Variants in CDH18 observed in about 807,000 individuals in gnomAD.
The protein encoded by CDH18 is cadherin-18.
In CDH18, 31 loss-of-function variants were observed where a neutral mutation model predicts 67.9. The ratio of observed to expected loss-of-function variants is 0.46; its 90% CI spans 0.34 to 0.62. The LOEUF is 0.62. Ranked by LOEUF, CDH18 falls within the 20% of genes least tolerant of loss-of-function variation. The probability of loss-of-function intolerance (pLI) is 0.01; values close to 1 mark genes in which losing one functional copy is unlikely to be tolerated. For missense variants in CDH18, 890 were observed against 975.5 expected (o/e 0.91, Z 1.17); for synonymous variants, 362 against 347.2 (o/e 1.04, Z -0.48).
intron 2 of CDH18, among the ~76,000 whole-genome samples, chr5:20,244,312 G>A (rs573613824): frequency 1.3e-5 from 2 of 152,154 alleles, no homozygotes; most frequent in South Asian, 4.1e-4. Flanking sequence ...TACACATTTT[G>A]TTCTGTTCAA....
chr5:19,970,194 A>C (rs983613842), intron 2 of CDH18, among the ~76,000 whole-genome samples: 37 of 151,572 alleles, frequency 2.4e-4, no homozygotes, highest in African/African-American at 7.0e-4. Flanking sequence ...AGACAGAAAG[A>C]AGCAAATTCA....
Position 19,774,894 on chromosome 5 carries a change from C to G in CDH18, c.229-27658G>C, listed in dbSNP as rs971456489. Among the ~76,000 whole-genome samples, 14 of 134,392 alleles carry G rather than the reference C, an allele frequency of 1.0e-4. No homozygotes were observed. In the East Asian group the frequency reaches 3.7e-3, roughly 35 times the overall value. The allele number at this position is 134,392 out of a possible 152,430, so 88.2% of individuals were successfully genotyped here. A position where few individuals can be genotyped will look rare whatever the true frequency, so the allele number is the denominator to read the frequency against. On this transcript the variant is annotated intron_variant, in intron 3 of 12. Coordinates refer to ENST00000382275, the MANE Select transcript of CDH18 (RefSeq NM_004934.5). The stretch of plus-strand genomic sequence containing the variant: ...GAGTATACAAGTGTAAGTTGGCAGT[C>G]TACAATTCAGAAAAGGACCTACAAC...
rs1450309779 is a variant in CDH18, at chr5:20,211,210, C to T, written c.-518+44234G>A. Among the ~76,000 whole-genome samples, 8 of 152,224 alleles carry T rather than the reference C, an allele frequency of 5.3e-5. No individual in the cohort carries two copies. In the East Asian group the frequency reaches 1.2e-3, roughly 22 times the overall value. On this transcript the variant is annotated intron_variant, in intron 2 of 14. Transcript: ENST00000507958. The stretch of plus-strand genomic sequence containing the variant: ...CTACCACTGTGTAATGGGAGAGGGG[C>T]GTCTGTCATTGCTGAGGCTTGAATA...
At chr5:20,214,655 C>T (rs188445721) in intron 2 of CDH18, among the ~76,000 whole-genome samples, 5 of 151,970 alleles carry the variant, frequency 3.3e-5, no homozygotes, top group Non-Finnish European at 7.4e-5. Flanking sequence ...AAGATTGAAA[C>T]TGGACCCCTT....
intron 2 of CDH18, among the ~76,000 whole-genome samples, chr5:19,915,225 C>G (rs529432900): frequency 2.6e-5 from 4 of 152,186 alleles, no homozygotes; most frequent in African/African-American, 7.2e-5. Flanking sequence ...TCCACTACTC[C>G]TTCCCAGTTC....
intron 2 of CDH18, among the ~76,000 whole-genome samples, chr5:20,172,242 A>ATATATATATATGTG (rs1736887648): frequency 2.1e-4 from 12 of 56,700 alleles, no homozygotes; most frequent in African/African-American, 5.5e-4. Flanking sequence ...ATATATATGT[A>ATATATATATATGTG]TATATATATA....
At chr5:20,249,617 G>A (rs1247430134) in intron 2 of CDH18, among the ~76,000 whole-genome samples, 1 of 151,906 alleles carries the variant, frequency 6.6e-6, no homozygotes, top group African/African-American at 2.4e-5. Flanking sequence ...TGATCCGCCC[G>A]CCTCGGCCTC....
At chr5:19,718,813 G>T (rs1447410058) in intron 5 of CDH18, among the ~76,000 whole-genome samples, 11 of 151,956 alleles carry the variant, frequency 7.2e-5, no homozygotes, top group Admixed American at 7.2e-4. Flanking sequence ...ACAAAGAAAT[G>T]CAAGAGCAAA....
chr5:20,347,327 T>C (rs1160742808), intron 1 of CDH18, among the ~76,000 whole-genome samples: 1 of 152,168 alleles, frequency 6.6e-6, no homozygotes, highest in African/African-American at 2.4e-5. Context: ...GCATGACTCT[T>C]GACTGCCACA....
At chr5:19,703,346 G>A (rs1763514881) in intron 5 of CDH18, among the ~76,000 whole-genome samples, 2 of 152,174 alleles carry the variant, frequency 1.3e-5, no homozygotes, top group African/African-American at 4.8e-5. Context: ...GGGTAACAAT[G>A]TGCAAGTGTG....
At chr5:19,906,870 CTG>C (rs1260170480) in intron 2 of CDH18, among the ~76,000 whole-genome samples, 1 of 152,024 alleles carries the variant, frequency 6.6e-6, no homozygotes, top group African/African-American at 2.4e-5. Context: ...AAGTTTGTGT[CTG>C]TCTCTTTCTC....
At chr5:19,490,232 T>C (rs1176221720) in intron 11 of CDH18, among the ~76,000 whole-genome samples, 1 of 151,940 alleles carries the variant, frequency 6.6e-6, no homozygotes, top group Non-Finnish European at 1.5e-5. Flanking sequence ...TGCATTAATG[T>C]ACATGGTGGA....
At chr5:19,538,273 C>A (rs547371970) in intron 9 of CDH18, among the ~76,000 whole-genome samples, 2 of 152,260 alleles carry the variant, frequency 1.3e-5, no homozygotes, top group South Asian at 4.1e-4. Flanking sequence ...CCCACCTGGA[C>A]TTCTGACCTA....
chr5:20,359,003 G>T (rs1233070130), intron 1 of CDH18, among the ~76,000 whole-genome samples: 22 of 150,076 alleles, frequency 1.5e-4, no homozygotes, highest in African/African-American at 5.2e-4. Context: ...CGTGATCTCA[G>T]CTCACCGCAA....
intron 2 of CDH18, among the ~76,000 whole-genome samples, chr5:20,155,133 T>C (rs1246417454): frequency 3.3e-5 from 5 of 152,144 alleles, no homozygotes; most frequent in Non-Finnish European, 5.9e-5. Flanking sequence ...TGTCCAACCA[T>C]GTCTATGGCC....
chr5:20,448,053 TC>T (rs1156876232), intron 1 of CDH18, among the ~76,000 whole-genome samples: 7 of 151,802 alleles, frequency 4.6e-5, no homozygotes, highest in Non-Finnish European at 8.8e-5. Context: ...CCGTCCCCTC[TC>T]CCCCCACCCC....
intron 9 of CDH18, among the ~76,000 whole-genome samples, chr5:19,540,555 GT>G (rs1479940035): frequency 6.6e-6 from 1 of 152,146 alleles, no homozygotes; most frequent in East Asian, 1.9e-4. Flanking sequence ...TTCTGTCTGG[GT>G]GTCCAGGGGT....
At chr5:20,079,110 C>T (rs1055001922) in intron 2 of CDH18, among the ~76,000 whole-genome samples, 1 of 151,918 alleles carries the variant, frequency 6.6e-6, no homozygotes, top group Non-Finnish European at 1.5e-5. Context: ...ATGTACAATC[C>T]ACTATCATTA....
rs1758005771 is a variant in CDH18, at chr5:20,558,000, TGTTATAGTTATATAACATTA to T, written c.-580+17442_-580+17461del. Among the ~76,000 whole-genome samples, 4 of 140,198 alleles carry T rather than the reference TGTTATAGTTATATAACATTA, an allele frequency of 2.9e-5. 1 individual carries two copies. The highest frequency in any genetic ancestry group is 1.4e-4 in the Admixed American group (2 of 13,998). 92.0% of individuals were successfully genotyped at this position (140,198 alleles called of 152,430 possible). A position where few individuals can be genotyped will look rare whatever the true frequency, so the allele number is the denominator to read the frequency against. Reference sequence around the variant, plus strand: ...AATGTTATAGTTATATAACATTAAATGTTATAGTTATATAACATTAAATGTTATAGTTATATAACATTAAT... The same window carrying T: ...AATGTTATAGTTATATAACATTAAATAATGTTATAGTTATATAACATTAAT... On this transcript the variant is annotated intron_variant, in intron 1 of 14. Coordinates refer to the CDH18 transcript ENST00000507958.
Sources: gnomAD v4.1 joint callset for allele counts (sites outside exome capture counted in the v4.1 genomes callset) on GRCh38, gnomAD v4.1.1 for gene constraint, MANE v1.5 for transcripts, NCBI Gene and HGNC (gene_info 2026-07-23, HGNC 2026-07-21) for gene names.